MIPOL1: variants seen among roughly 807,000 people sequenced by gnomAD.
The protein encoded by MIPOL1 is mirror-image polydactyly gene 1 protein.
In MIPOL1, 57 loss-of-function variants were observed where a neutral mutation model predicts 60.9. The observed-to-expected ratio is 0.94, with a 90% CI of 0.76 to 1.17. The LOEUF (loss-of-function observed/expected upper bound fraction) is 1.17. Among genes scored for constraint, MIPOL1 ranks in the 50% most tolerant of loss-of-function variants. MIPOL1 has a pLI of 0.00. For synonymous variants in MIPOL1, 179 were observed against 168.8 expected (o/e 1.06, Z -0.47); for missense variants, 551 against 511.6 (o/e 1.08, Z -0.74).
intron 9 of MIPOL1, among the ~76,000 whole-genome samples, chr14:37,341,381 A>T (rs1313031510): frequency 6.6e-6 from 1 of 152,204 alleles, no homozygotes; most frequent in African/African-American, 2.4e-5. Flanking sequence ...TTTAGCAAGT[A>T]TGCTAGCCTT....
At chr14:37,467,809 C>G (rs1040239713) in intron 11 of MIPOL1, among the ~76,000 whole-genome samples, 14 of 152,148 alleles carry the variant, frequency 9.2e-5, no homozygotes, top group African/African-American at 3.1e-4. Flanking sequence ...AATCCCAGCA[C>G]TTTGGGAGGC....
chr14:37,285,591 C>CT, intron 7 of MIPOL1, 144 bp downstream of exon 7: 1 of 824,868 alleles, frequency 1.2e-6, no homozygotes, highest in Non-Finnish European at 1.7e-6. Context: ...TTCTTTTTTT[C>CT]TTTTCTTTTT....
intron 10 of MIPOL1, among the ~76,000 whole-genome samples, chr14:37,376,570 T>G (rs779095145): frequency 4.6e-5 from 7 of 152,068 alleles, no homozygotes; most frequent in Non-Finnish European, 8.8e-5. Flanking sequence ...AGTTGCTTAA[T>G]GTTCTGTCAG....
At chr14:37,307,407 G>A (rs1414037541) in intron 7 of MIPOL1, among the ~76,000 whole-genome samples, 1 of 151,776 alleles carries the variant, frequency 6.6e-6, no homozygotes, top group Non-Finnish European at 1.5e-5. Flanking sequence ...AAACATTTCA[G>A]TAGCCACTAC....
chr14:37,357,947 G>A (rs146323627), intron 9 of MIPOL1, among the ~76,000 whole-genome samples: 72 of 152,040 alleles, frequency 4.7e-4, no homozygotes, highest in South Asian at 1.7e-3. Flanking sequence ...CCATCAACTC[G>A]TCATTTATGT....
chr14:37,475,256 T>A (rs984233049), intron 11 of MIPOL1, among the ~76,000 whole-genome samples: 1 of 152,196 alleles, frequency 6.6e-6, no homozygotes, highest in Non-Finnish European at 1.5e-5. Flanking sequence ...TACTCATTTT[T>A]AAAATTAAGT....
In MIPOL1 at chr14:37,293,677, G is replaced by A. The variant is rs147937153; in HGVS notation, c.623+8230G>A. Reference sequence around the variant, plus strand: ...GGAGATTATATCCCACACCTAGATCGGAGGGTCCTATGCCCACGGAGCCTC... The same window carrying A: ...GGAGATTATATCCCACACCTAGATCAGAGGGTCCTATGCCCACGGAGCCTC... On this transcript the variant is annotated intron_variant, in intron 7 of 12. Coordinates refer to ENST00000684589, the MANE Select transcript of MIPOL1 (RefSeq NM_001388067.1). 3.1e-3 allele frequency among the ~76,000 whole-genome samples: 478 copies of A among 152,276 alleles called. 3 individuals are homozygous for A. The highest frequency in any genetic ancestry group is 9.7e-3 in the African/African-American group (405 of 41,548).
At chr14:37,202,596 G>A (rs1172740496) in intron 1 of MIPOL1, among the ~76,000 whole-genome samples, 1 of 152,076 alleles carries the variant, frequency 6.6e-6, no homozygotes, top group Non-Finnish European at 1.5e-5. Context: ...CTCCCTCCAG[G>A]GCTTCAGACT....
At chr14:37,254,965 TGTG>T (rs1974699122) in intron 3 of MIPOL1, among the ~76,000 whole-genome samples, 1 of 151,844 alleles carries the variant, frequency 6.6e-6, no homozygotes, top group Admixed American at 6.6e-5. Context: ...CAAATTTATT[TGTG>T]GTCATGAAAA....
chr14:37,294,124 G>A (rs543129555), intron 7 of MIPOL1, among the ~76,000 whole-genome samples: 4 of 152,246 alleles, frequency 2.6e-5, no homozygotes, highest in East Asian at 1.9e-4. Flanking sequence ...CTAGAGGAAC[G>A]ATCAGGCAGC....
At chr14:37,524,619 G>A (rs1222584182) in intron 12 of MIPOL1, among the ~76,000 whole-genome samples, 1 of 136,890 alleles carries the variant, frequency 7.3e-6, no homozygotes, top group East Asian at 2.2e-4. Context: ...CCAGGCTGGA[G>A]TGCAGTGGCG....
At chr14:37,519,199 A>C (rs2095394185) in intron 12 of MIPOL1, among the ~76,000 whole-genome samples, 1 of 152,206 alleles carries the variant, frequency 6.6e-6, no homozygotes, top group African/African-American at 2.4e-5. Flanking sequence ...GAGCTTACTT[A>C]GTATAACCAA....
At position 37,426,464 on chromosome 14, in the gene MIPOL1, G is replaced by A. The variant is rs546572366; in HGVS notation, c.1031+3515G>A. Among the ~76,000 whole-genome samples, 142 of 150,682 alleles carry A rather than the reference G, an allele frequency of 9.4e-4. 3 individuals carry two copies. The highest frequency in any genetic ancestry group is 3.4e-3 in the African/African-American group (141 of 40,978). On this transcript the variant is annotated intron_variant, in intron 11 of 12. Coordinates refer to ENST00000684589, the MANE Select transcript of MIPOL1 (RefSeq NM_001388067.1). ...GACACCTGTAATCCCAGCTACTCAG[G>A]AGGCTGAGGCAGGAGAATCACTTGA... is the stretch of plus-strand genomic sequence containing the variant.
At position 37,460,089 on chromosome 14, in the gene MIPOL1, A is replaced by AAAT. The variant is rs139000493; in HGVS notation, c.1031+37167_1031+37169dup. Among the ~76,000 whole-genome samples, 1,029 of 148,962 alleles carry AAAT rather than the reference A, an allele frequency of 6.9e-3. 11 individuals carry two copies. Among genetic ancestry groups the AAAT allele is most frequent in the African/African-American group, 0.024 (952 of 40,290 alleles). On this transcript the variant is annotated intron_variant, in intron 11 of 12. Coordinates refer to ENST00000684589, the MANE Select transcript of MIPOL1 (RefSeq NM_001388067.1). ...AAGACTCCATCTCAAAATAATAGTA[A>AAAT]AATAATAATAATAATAATAATAATA... is the stretch of plus-strand genomic sequence containing the variant.
At chr14:37,350,405 TC>T (rs1265473970) in intron 9 of MIPOL1, among the ~76,000 whole-genome samples, 1 of 151,892 alleles carries the variant, frequency 6.6e-6, no homozygotes, top group Non-Finnish European at 1.5e-5. Flanking sequence ...CTTTTCTTTT[TC>T]TTTCTTTCCT....
chr14:37,536,087 C>T (rs1351791024), intron 12 of MIPOL1, among the ~76,000 whole-genome samples: 2 of 151,822 alleles, frequency 1.3e-5, no homozygotes, highest in African/African-American at 2.4e-5. Context: ...TTTTACATAG[C>T]GAAATAGTTT....
intron 3 of MIPOL1, among the ~76,000 whole-genome samples, chr14:37,251,361 T>A (rs1974069222): frequency 6.6e-6 from 1 of 152,012 alleles, no homozygotes; most frequent in South Asian, 2.1e-4. Context: ...AACAACTGTA[T>A]CTAGCCCCCA....
intron 11 of MIPOL1, chr14:37,423,674 A>G (rs1482074781): frequency 6.6e-6 from 1 of 152,108 alleles, no homozygotes; most frequent in Non-Finnish European, 1.5e-5. Context: ...AAAATCCTCA[A>G]GTCTGAAATG....
chr14:37,399,620 G>A (rs1040831995), intron 10 of MIPOL1, among the ~76,000 whole-genome samples: 1 of 152,076 alleles, frequency 6.6e-6, no homozygotes, highest in African/African-American at 2.4e-5. Context: ...CACAGAGAAA[G>A]TCAAAGATGG....
Sources: gnomAD v4.1 joint callset for allele counts (sites outside exome capture counted in the v4.1 genomes callset) on GRCh38, gnomAD v4.1.1 for gene constraint, MANE v1.5 for transcripts, NCBI Gene and HGNC (gene_info 2026-07-23, HGNC 2026-07-21) for gene names.